Variants in PAPPA2 observed in about 807,000 individuals in gnomAD.
The protein encoded by PAPPA2 is pappalysin-2.
PAPPA2 carries 86 observed loss-of-function variants against 176.4 expected under a neutral mutation model. That is an observed-to-expected ratio of 0.49 (90% confidence interval 0.41 to 0.58). The LOEUF (loss-of-function observed/expected upper bound fraction) is 0.58, where lower values mean the gene tolerates loss of function less well. Ranked by LOEUF, PAPPA2 falls within the 20% of genes least tolerant of loss-of-function variation. The pLI is 0.00. For synonymous variants in PAPPA2, 809 were observed against 852.2 expected (o/e 0.95, Z 0.88); for missense variants, 2,073 against 2,256.9 (o/e 0.92, Z 1.65).
At chr1:176,762,524 T>C (rs1310631078) in intron 14 of PAPPA2, among the ~76,000 whole-genome samples, 1 of 152,236 alleles carries the variant, frequency 6.6e-6, no homozygotes, top group Non-Finnish European at 1.5e-5. Flanking sequence ...CTGACTTCTT[T>C]CCAATAAACT....
chr1:176,757,189 T>C (rs1194836886), intron 14 of PAPPA2, among the ~76,000 whole-genome samples: 2 of 152,174 alleles, frequency 1.3e-5, no homozygotes, highest in Non-Finnish European at 2.9e-5. Context: ...GTCTTTATAG[T>C]AGCATGATTT....
intron 1 of PAPPA2, among the ~76,000 whole-genome samples, chr1:176,511,923 A>G (rs571144696): frequency 4.6e-5 from 7 of 152,154 alleles, no homozygotes; most frequent in Non-Finnish European, 1.0e-4. Flanking sequence ...CTTTATAAAT[A>G]TCAGTTTTTT....
intron 4 of PAPPA2, among the ~76,000 whole-genome samples, chr1:176,678,223 C>T (rs1350183182): frequency 6.6e-6 from 1 of 152,134 alleles, no homozygotes; most frequent in Non-Finnish European, 1.5e-5. Flanking sequence ...ACTCAAAATA[C>T]TCAGCAAACC....
chr1:176,600,549 G>T (rs934700765), intron 3 of PAPPA2, among the ~76,000 whole-genome samples: 1 of 151,388 alleles, frequency 6.6e-6, no homozygotes, highest in East Asian at 1.9e-4. Flanking sequence ...GGTAGCGGGC[G>T]CCTGTAGTCC....
At chr1:176,595,746 T>A in intron 3 of PAPPA2, 151 bp downstream of exon 3, 1 of 775,430 alleles carries the variant, frequency 1.3e-6, no homozygotes, top group East Asian at 2.7e-5. Context: ...TGTGAAGTGC[T>A]AGGTGTTCTG....
intron 15 of PAPPA2, among the ~76,000 whole-genome samples, chr1:176,767,894 C>T (rs188901520): frequency 2.2e-4 from 34 of 152,250 alleles, no homozygotes; most frequent in African/African-American, 5.3e-4. Context: ...TTTTTGTTGA[C>T]GCAAGAACCG....
Position 176,729,262 on chromosome 1 carries a change from G to T in PAPPA2, c.3799-10364G>T, listed in dbSNP as rs543498674. 2.6e-5 allele frequency among the ~76,000 whole-genome samples: 4 copies of T among 152,026 alleles called. No individual in the cohort carries two copies. In the East Asian group the frequency reaches 7.7e-4, roughly 29 times the overall value. On this transcript the variant is annotated intron_variant, in intron 12 of 22. Transcript: ENST00000367662. ...AGCATCCACCCTTGTCCTAATGATT[G>T]TAGTCTCGAGTTGATTATAACCAAG...
chr1:176,691,748 C>T (rs533370318), intron 5 of PAPPA2, among the ~76,000 whole-genome samples: 4 of 152,288 alleles, frequency 2.6e-5, no homozygotes, highest in Non-Finnish European at 5.9e-5. Context: ...CCTCTGCCAA[C>T]GTCACTGGGC....
chr1:176,721,469 C>T (rs1661616822), intron 12 of PAPPA2, among the ~76,000 whole-genome samples: 1 of 152,182 alleles, frequency 6.6e-6, no homozygotes, highest in Admixed American at 6.5e-5. Flanking sequence ...GGCCTGCTGG[C>T]AATGAGTTCT....
chr1:176,504,549 G>A (rs1247070372), intron 1 of PAPPA2, among the ~76,000 whole-genome samples: 3 of 152,136 alleles, frequency 2.0e-5, no homozygotes, highest in Non-Finnish European at 4.4e-5. Flanking sequence ...CACAGACTGT[G>A]TTCAGGATGG....
intron 1 of PAPPA2, among the ~76,000 whole-genome samples, chr1:176,492,055 TG>T (rs1647319741): frequency 6.6e-6 from 1 of 152,176 alleles, no homozygotes; most frequent in African/African-American, 2.4e-5. Flanking sequence ...TGTGTCAAAA[TG>T]CCAATGGGTC....
intron 1 of PAPPA2, among the ~76,000 whole-genome samples, chr1:176,491,131 C>A (rs1343630819): frequency 6.6e-6 from 1 of 152,190 alleles, no homozygotes; most frequent in African/African-American, 2.4e-5. Flanking sequence ...TAACTTTGTT[C>A]TTTGATCAGA....
At chr1:176,586,123 G>C (rs1238816238) in intron 2 of PAPPA2, among the ~76,000 whole-genome samples, 9 of 152,050 alleles carry the variant, frequency 5.9e-5, no homozygotes, top group Non-Finnish European at 1.0e-4. Context: ...GCATCCAGTA[G>C]AACAGTCACC....
At chr1:176,607,117 T>A (rs1328941820) in intron 3 of PAPPA2, among the ~76,000 whole-genome samples, 2 of 152,174 alleles carry the variant, frequency 1.3e-5, no homozygotes, top group Non-Finnish European at 2.9e-5. Context: ...ATTGGGTGCA[T>A]GTGATATTTT....
chr1:176,592,465 A>C (rs1653724456), intron 2 of PAPPA2, among the ~76,000 whole-genome samples: 1 of 152,204 alleles, frequency 6.6e-6, no homozygotes, highest in African/African-American at 2.4e-5. Context: ...TCTTCTATTT[A>C]GTATTTCAAG....
chr1:176,722,419 C>CTT lies in PAPPA2; in HGVS notation c.3798+10457_3798+10458dup, dbSNP rs34221424. Among the ~76,000 whole-genome samples the CTT allele has an allele frequency of 4.4e-4, 54 of 124,020 alleles. 1 individual carries two copies. The highest frequency in any genetic ancestry group is 1.6e-3 in the African/African-American group (50 of 31,784). The allele number at this position is 124,020 out of a possible 152,430, so 81.4% of individuals were successfully genotyped here. A position where few individuals can be genotyped will look rare whatever the true frequency, so the allele number is the denominator to read the frequency against. On this transcript the variant is annotated intron_variant, in intron 12 of 22. Transcript: ENST00000367662. The stretch of plus-strand genomic sequence containing the variant: ...TGCTTTGTGAGCCTTTATACATTTC[C>CTT]TTTTTTTTTTTTTTTTTTTTAGTTT...
At chr1:176,630,000 A>C (rs1656254535) in intron 3 of PAPPA2, among the ~76,000 whole-genome samples, 1 of 151,710 alleles carries the variant, frequency 6.6e-6, no homozygotes, top group African/African-American at 2.4e-5. Flanking sequence ...CAGAGGTTGC[A>C]GTGAGCCGAG....
intron 2 of PAPPA2, among the ~76,000 whole-genome samples, chr1:176,570,940 C>T (rs1652289881): frequency 6.6e-6 from 1 of 152,122 alleles, no homozygotes; most frequent in African/African-American, 2.4e-5. Context: ...TGCTGCTGTC[C>T]TCTCTTCCAC....
chr1:176,591,664 G>A (rs1256336330), intron 2 of PAPPA2, among the ~76,000 whole-genome samples: 1 of 152,170 alleles, frequency 6.6e-6, no homozygotes, highest in African/African-American at 2.4e-5. Flanking sequence ...ACTTGCATGG[G>A]TGAGCTAACT....
Sources: allele counts gnomAD v4.1 joint callset (sites outside exome capture counted in the v4.1 genomes callset), GRCh38; gene constraint gnomAD v4.1.1; transcripts MANE v1.5; gene names NCBI Gene and HGNC (gene_info 2026-07-23, HGNC 2026-07-21).